Variants in ABHD17C observed in about 807,000 individuals in gnomAD.
ABHD17C encodes alpha/beta hydrolase domain-containing protein 17C.
In ABHD17C, 11 loss-of-function variants were observed where a neutral mutation model predicts 27.9. The ratio of observed to expected loss-of-function variants is 0.39; its 90% CI spans 0.25 to 0.65. The LOEUF is 0.65. Ranked by LOEUF, ABHD17C falls within the 30% of genes least tolerant of loss-of-function variation. The pLI is 0.45. For missense variants in ABHD17C, 280 were observed against 470.2 expected (o/e 0.60, Z 3.74); for synonymous variants, 233 against 209.1 (o/e 1.11, Z -0.98).
intron 1 of ABHD17C, 119 bp downstream of exon 1, chr15:80,696,138 A>T: frequency 2.8e-6 from 3 of 1,072,400 alleles, no homozygotes; most frequent in African/African-American, 1.6e-5. Flanking sequence ...GCTGAGGGCC[A>T]GCGGAGAGCC....
chr15:80,729,490 T>C, intron 1 of ABHD17C, among the ~76,000 whole-genome samples: 1 of 152,186 alleles, frequency 6.6e-6, no homozygotes, highest in African/African-American at 2.4e-5. Context: ...AATGGAGTTA[T>C]GTTATGGAAA....
chr15:80,741,289 C>A (rs1895205618), intron 1 of ABHD17C, among the ~76,000 whole-genome samples: 1 of 151,942 alleles, frequency 6.6e-6, no homozygotes, highest in South Asian at 2.1e-4. Flanking sequence ...AGATGAAGAC[C>A]CCCAGTGGAT....
chr15:80,738,806 G>C (rs922630100), intron 1 of ABHD17C, among the ~76,000 whole-genome samples: 2 of 152,164 alleles, frequency 1.3e-5, no homozygotes, highest in African/African-American at 4.8e-5. Flanking sequence ...GGAGGCTAGA[G>C]TTCAGATGAA....
rs1555421974 is a variant in ABHD17C at position 80,707,563 on chromosome 15, C to CA, written c.590+11544_590+11545insA. On this transcript the variant is annotated intron_variant, in intron 1 of 2. Transcript: ENST00000258884. ...ACTAATACTAGCAATAGCTGATGAGCCCCCCCTCAAAAAAAAAAACGCAAA... is the reference window on the plus strand; with the variant it reads ...ACTAATACTAGCAATAGCTGATGAGCACCCCCCTCAAAAAAAAAAACGCAAA... Among the ~76,000 whole-genome samples, 127 of 116,068 alleles carry CA rather than the reference C, an allele frequency of 1.1e-3. 1 individual carries two copies. The highest frequency in any genetic ancestry group is 3.4e-3 in the African/African-American group (113 of 33,322). The allele number at this position is 116,068 out of a possible 152,430, so 76.1% of individuals were successfully genotyped here. A position where few individuals can be genotyped will look rare whatever the true frequency, so the allele number is the denominator to read the frequency against.
intron 2 of ABHD17C, among the ~76,000 whole-genome samples, chr15:80,749,940 G>T (rs1895343400): frequency 6.6e-6 from 1 of 152,144 alleles, no homozygotes; most frequent in Non-Finnish European, 1.5e-5. Context: ...GACGCCTAGG[G>T]TTAATTGATT....
chr15:80,730,316 A>G (rs1326583311), intron 1 of ABHD17C, among the ~76,000 whole-genome samples: 3 of 152,154 alleles, frequency 2.0e-5, no homozygotes, highest in African/African-American at 2.4e-5. Context: ...TGCATAGCCC[A>G]TGGAATCCAC....
intron 1 of ABHD17C, among the ~76,000 whole-genome samples, chr15:80,733,193 C>T (rs371052281): frequency 6.6e-5 from 10 of 152,270 alleles, no homozygotes; most frequent in African/African-American, 2.2e-4. Context: ...CCTTCCCTCC[C>T]CTGTCCCCGA....
intron 1 of ABHD17C, among the ~76,000 whole-genome samples, chr15:80,713,944 A>G (rs866983646): frequency 2.0e-5 from 3 of 148,246 alleles, no homozygotes; most frequent in South Asian, 2.2e-4. Flanking sequence ...ACACACATAT[A>G]TTTATTTATT....
chr15:80,728,316 C>G (rs28488308), intron 1 of ABHD17C, among the ~76,000 whole-genome samples: 16,170 of 152,252 alleles, frequency 0.11, 1,552 homozygotes, highest in East Asian at 0.56. Flanking sequence ...TGGCGTCTTC[C>G]TGATGTACAG....
intron 1 of ABHD17C, among the ~76,000 whole-genome samples, chr15:80,707,662 G>A (rs1894666841): frequency 2.6e-5 from 4 of 152,096 alleles, no homozygotes; most frequent in Admixed American, 2.6e-4. Context: ...CTGGGCCGAG[G>A]GTTGGACAAG....
chr15:80,695,519 C>A lies in ABHD17C; in HGVS notation c.90C>A (p.Ala30=). Residue 30 remains alanine (A), a synonymous_variant, in exon 1 of 3, where the codon GCC becomes GCA. Transcript: ENST00000258884. The surrounding 1 kb of genome is among the most constrained non-coding windows in gnomAD (Gnocchi z 4.3). ...FCCPPCPSRI[A]AKLAFLPPEP... is the part of the protein sequence containing the mutation. ...GCCCGCCCTGCCCGAGCCGCATCGC[C>A]GCCAAGCTGGCCTTCCTGCCGCCCG... The A allele has an allele frequency of 1.5e-6, 2 of 1,377,498 alleles. No individual in the cohort carries two copies. Among genetic ancestry groups the A allele is most frequent in the Non-Finnish European group, 1.9e-6 (2 of 1,053,560 alleles). 85.3% of individuals were successfully genotyped at this position (1,377,498 alleles called of 1,614,324 possible). A position where few individuals can be genotyped will look rare whatever the true frequency, so the allele number is the denominator to read the frequency against.
chr15:80,711,661 T>G (rs770863435), intron 1 of ABHD17C, among the ~76,000 whole-genome samples: 2 of 152,218 alleles, frequency 1.3e-5, no homozygotes, highest in Admixed American at 6.5e-5. Flanking sequence ...CAGTTTTAAT[T>G]TGCATAATGC....
chr15:80,740,198 C>T (rs1339311356), intron 1 of ABHD17C, among the ~76,000 whole-genome samples: 5 of 152,102 alleles, frequency 3.3e-5, no homozygotes, highest in African/African-American at 7.2e-5. Flanking sequence ...TTCTCCCTGC[C>T]GGTCTTCCAC....
chr15:80,738,145 G>A (rs1190142604), intron 1 of ABHD17C, among the ~76,000 whole-genome samples: 1 of 151,970 alleles, frequency 6.6e-6, no homozygotes, highest in Non-Finnish European at 1.5e-5. Flanking sequence ...TCTGCCTTGG[G>A]AAAAAGGGAG....
At position 80,754,414 on chromosome 15, in the gene ABHD17C, T is replaced by C. The variant is rs765478765; in HGVS notation, c.*44T>C. The C allele has an allele frequency of 3.2e-5, 49 of 1,529,924 alleles. No homozygotes were observed. Among genetic ancestry groups the C allele is most frequent in the Admixed American group, 2.2e-4 (12 of 53,750 alleles). 94.8% of individuals were successfully genotyped at this position (1,529,924 alleles called of 1,614,324 possible). ...ACCTCATTTACTGTGAACAGAAGAG[T>C]CCTCTGTTTTGCACATGCTTTAACT... On this transcript the variant is annotated 3_prime_UTR_variant, in exon 3 of 3. Coordinates refer to ENST00000258884, the MANE Select transcript of ABHD17C (RefSeq NM_021214.2).
chr15:80,695,681 C>T lies in ABHD17C; in HGVS notation c.252C>T (p.Pro84=), dbSNP rs536182207. 151 of 1,479,926 alleles carry T rather than the reference C, an allele frequency of 1.0e-4. 2 individuals carry two copies. In the South Asian group the frequency reaches 1.7e-3, roughly 17 times the overall value. 91.7% of individuals were successfully genotyped at this position (1,479,926 alleles called of 1,614,324 possible). A position where few individuals can be genotyped will look rare whatever the true frequency, so the allele number is the denominator to read the frequency against. ...QQPEEGAGAG[P]GACSLHLSER... is the part of the protein sequence containing the mutation. ...CCGAGGAGGGCGCGGGCGCGGGGCC[C>T]GGTGCGTGCAGCCTGCACCTCAGCG... The change falls in exon 1 of 3, where the codon CCC becomes CCT. Residue 84 remains proline (P), a synonymous_variant. Coordinates refer to ENST00000258884, the MANE Select transcript of ABHD17C (RefSeq NM_021214.2). This position sits in a 1 kb window ranked among gnomAD's most constrained non-coding sequence, Gnocchi z 4.3.
chr15:80,742,203 CA>C (rs1895220653), intron 1 of ABHD17C, among the ~76,000 whole-genome samples: 1 of 152,048 alleles, frequency 6.6e-6, no homozygotes, highest in Non-Finnish European at 1.5e-5. Context: ...AGGCCAAGTC[CA>C]TGATCTCCCA....
chr15:80,736,758 C>G (rs1377991736), intron 1 of ABHD17C, among the ~76,000 whole-genome samples: 2 of 152,134 alleles, frequency 1.3e-5, no homozygotes, highest in South Asian at 2.1e-4. Flanking sequence ...TGGGAGAGCT[C>G]CTGACAAAGG....
At chr15:80,712,167 G>T (rs1390513950) in intron 1 of ABHD17C, among the ~76,000 whole-genome samples, 1 of 152,240 alleles carries the variant, frequency 6.6e-6, no homozygotes, top group African/African-American at 2.4e-5. Flanking sequence ...CCGTTGGAAT[G>T]TGATCTCCTT....
Sources: gnomAD v4.1 joint callset for allele counts (sites outside exome capture counted in the v4.1 genomes callset) on GRCh38, gnomAD v4.1.1 for gene constraint, Gnocchi (gnomAD v3.1) non-coding constraint, MANE v1.5 for transcripts, NCBI Gene and HGNC (gene_info 2026-07-23, HGNC 2026-07-21) for gene names.